Variants in FZD6 observed in about 807,000 individuals in gnomAD.
FZD6 encodes the protein frizzled-6.
In FZD6, 49 loss-of-function variants were observed where a neutral mutation model predicts 61.4. That is an observed-to-expected ratio of 0.80 (90% CI 0.63 to 1.01). The LOEUF (loss-of-function observed/expected upper bound fraction) is 1.01. Among genes scored for constraint, FZD6 ranks in the 50% least tolerant of loss-of-function variants. The pLI is 0.00. For synonymous variants in FZD6, 265 were observed against 292.2 expected, an observed-to-expected ratio of 0.91 and a Z score of 0.95; for missense variants, 724 against 848.2, an observed-to-expected ratio of 0.85 and a Z score of 1.82.
At chr8:103,309,359 A>G (rs1343750628) in intron 2 of FZD6, among the ~76,000 whole-genome samples, 1 of 152,208 alleles carries the variant, frequency 6.6e-6, no homozygotes, top group Non-Finnish European at 1.5e-5. Context: ...AAAGTGCCTG[A>G]GCTTTACTAT....
intron 4 of FZD6, among the ~76,000 whole-genome samples, chr8:103,326,063 A>C (rs1201186434): frequency 6.6e-6 from 1 of 152,174 alleles, no homozygotes; most frequent in African/African-American, 2.4e-5. Context: ...AATTAATAAA[A>C]GTAAATTTCT....
At chr8:103,310,878 C>A (rs1389985394) in intron 2 of FZD6, among the ~76,000 whole-genome samples, 3 of 152,200 alleles carry the variant, frequency 2.0e-5, no homozygotes, top group African/African-American at 7.2e-5. Flanking sequence ...AGGATGCTCA[C>A]TGCCTTTGGC....
chr8:103,300,393 A>G (rs972555765), intron 2 of FZD6, 109 bp downstream of exon 2: 6 of 874,118 alleles, frequency 6.9e-6, no homozygotes, highest in Non-Finnish European at 1.2e-5. Context: ...CAAGTTGTGT[A>G]CAAGTTGTGT....
chr8:103,308,401 A>G (rs923704381), intron 2 of FZD6, among the ~76,000 whole-genome samples: 18 of 152,138 alleles, frequency 1.2e-4, no homozygotes, highest in Admixed American at 9.2e-4. Context: ...ATCTTGTTGT[A>G]CCATTAGCTA....
intron 3 of FZD6, among the ~76,000 whole-genome samples, chr8:103,321,344 T>C (rs935765247): frequency 6.6e-6 from 1 of 152,230 alleles, no homozygotes; most frequent in Admixed American, 6.5e-5. Context: ...TTTTATACAA[T>C]GTTAGTTGGG....
At position 103,331,623 on chromosome 8, in the gene FZD6, C is replaced by T. The variant is rs1815137286; in HGVS notation, c.*114C>T. The T allele has an allele frequency of 1.3e-6, 1 of 757,810 alleles. No individual in the cohort carries two copies. Among genetic ancestry groups the T allele is most frequent in the Non-Finnish European group, 2.3e-6 (1 of 428,412 alleles). 46.9% of individuals were successfully genotyped at this position (757,810 alleles called of 1,614,324 possible). On this transcript the variant is annotated 3_prime_UTR_variant, in exon 7 of 7. Transcript: ENST00000358755. ...TTCTTTTGCACTTAAAGTTGCATTG[C>T]CTACTGTTATACTGGAAAAAATAGA...
At chr8:103,316,259 A>G (rs1225040000) in intron 2 of FZD6, among the ~76,000 whole-genome samples, 2 of 152,186 alleles carry the variant, frequency 1.3e-5, no homozygotes, top group African/African-American at 4.8e-5. Context: ...CAGACTTGTC[A>G]TACACCTAGC....
chr8:103,308,764 G>C (rs1307015175), intron 2 of FZD6, among the ~76,000 whole-genome samples: 1 of 152,158 alleles, frequency 6.6e-6, no homozygotes, highest in Non-Finnish European at 1.5e-5. Flanking sequence ...ATCATGAGTA[G>C]GTGAGTTCAG....
intron 6 of FZD6, among the ~76,000 whole-genome samples, chr8:103,330,792 C>T (rs1815098046): frequency 6.6e-6 from 1 of 152,154 alleles, no homozygotes; most frequent in Non-Finnish European, 1.5e-5. Flanking sequence ...AGGAATCCTG[C>T]CTTATTCTAT....
intron 2 of FZD6, among the ~76,000 whole-genome samples, chr8:103,307,392 CTAAA>C (rs1460655548): frequency 2.6e-5 from 4 of 152,036 alleles, no homozygotes; most frequent in African/African-American, 7.2e-5. Flanking sequence ...ATTTGAATGC[CTAAA>C]TAAATAAATA....
In FZD6 at chr8:103,302,391, TAA is replaced by T. The variant is rs1245718125; in HGVS notation, c.177+2108_177+2109del. ...TTATGACATTAACCCCTTCTCAAGA[TAA>T]GAGAAGTTTTAATATTTAAATAAAT... On this transcript the variant is annotated intron_variant, in intron 2 of 6. Coordinates refer to ENST00000358755, the MANE Select transcript of FZD6 (RefSeq NM_003506.4). Among the ~76,000 whole-genome samples the T allele has an allele frequency of 2.6e-5, 4 of 152,168 alleles. No homozygotes were observed. In the East Asian group the frequency reaches 5.8e-4, roughly 22 times the overall value.
chr8:103,324,252 C>T (rs1447067217), intron 3 of FZD6, among the ~76,000 whole-genome samples: 1 of 151,960 alleles, frequency 6.6e-6, no homozygotes, highest in Non-Finnish European at 1.5e-5. Context: ...TGTTCACCTG[C>T]TTTGTATTTA....
At chr8:103,327,119 T>G (rs1158097747) in intron 4 of FZD6, among the ~76,000 whole-genome samples, 1 of 152,242 alleles carries the variant, frequency 6.6e-6, no homozygotes, top group African/African-American at 2.4e-5. Context: ...GTGTGTACAC[T>G]GATACTGCCC....
Position 103,331,642 on chromosome 8 carries a change from A to C in FZD6, c.*133A>C. 1.4e-6 allele frequency: 1 copy of C among 708,102 alleles called. No homozygotes were observed. Among genetic ancestry groups the C allele is most frequent in the Non-Finnish European group, 2.6e-6 (1 of 391,442 alleles). 43.9% of individuals were successfully genotyped at this position (708,102 alleles called of 1,614,324 possible). A position where few individuals can be genotyped will look rare whatever the true frequency, so the allele number is the denominator to read the frequency against. On this transcript the variant is annotated 3_prime_UTR_variant, in exon 7 of 7. Coordinates refer to ENST00000358755, the MANE Select transcript of FZD6 (RefSeq NM_003506.4). ...GCATTGCCTACTGTTATACTGGAAA[A>C]AATAGAGTTCAAGAATAATATGACT... is the stretch of plus-strand genomic sequence containing the variant.
Position 103,329,840 on chromosome 8 carries a change from C to G in FZD6, c.1727C>G (p.Thr576Ser). The G allele has an allele frequency of 6.2e-7, 1 of 1,613,688 alleles. No homozygotes were observed. Among genetic ancestry groups the G allele is most frequent in the Non-Finnish European group, 8.5e-7 (1 of 1,179,566 alleles). ...CATGGCACTTCTGCAGTAGCAATTA[C>G]TAGCCATGATTACCTAGGACAAGAA... ...ANHGTSAVAI[T>S]SHDYLGQETL... Residue 576 changes from threonine to serine, a missense_variant, in exon 6 of 7, where the codon ACT becomes AGT. Coordinates refer to ENST00000358755, the MANE Select transcript of FZD6 (RefSeq NM_003506.4).
chr8:103,309,587 T>G (rs1814438111), intron 2 of FZD6, among the ~76,000 whole-genome samples: 1 of 152,236 alleles, frequency 6.6e-6, no homozygotes, highest in Non-Finnish European at 1.5e-5. Context: ...TAATGGTTTT[T>G]GTTTGGCCCC....
intron 2 of FZD6, among the ~76,000 whole-genome samples, chr8:103,307,081 A>C (rs957983326): frequency 7.2e-5 from 11 of 152,128 alleles, no homozygotes; most frequent in Non-Finnish European, 1.5e-4. Context: ...AAAGTGACAA[A>C]CGTTTATGTA....
chr8:103,324,607 T>G lies in FZD6; in HGVS notation c.501T>G (p.Thr167=), dbSNP rs759590220. ...IGFWCPRHLK[T]SGGQGYKFLG... ...TTTGGTGTCCAAGGCATCTTAAGAC[T>G]TCTGGGGGACAAGGATATAAGTTTC... Residue 167 remains threonine, a synonymous_variant, in exon 4 of 7, where the codon ACT becomes ACG. Coordinates refer to ENST00000358755, the MANE Select transcript of FZD6 (RefSeq NM_003506.4). The G allele has an allele frequency of 6.2e-7, 1 of 1,614,064 alleles. No homozygotes were observed. The highest frequency in any genetic ancestry group is 1.7e-5 in the Admixed American group (1 of 59,988).
chr8:103,329,597 T>C, intron 5 of FZD6, 58 bp from the exon 6 acceptor site: 3 of 1,303,462 alleles, frequency 2.3e-6, no homozygotes, highest in Non-Finnish European at 3.3e-6. Flanking sequence ...CTTTATATCC[T>C]CTACTTTATA....
Sources: gnomAD v4.1 joint callset for allele counts (sites outside exome capture counted in the v4.1 genomes callset) on GRCh38, gnomAD v4.1.1 for gene constraint, MANE v1.5 for transcripts, NCBI Gene and HGNC (gene_info 2026-07-23, HGNC 2026-07-21) for gene names.